The following TLK1 variants were observed in gnomAD, a reference collection of about 807,000 sequenced individuals.
TLK1 encodes serine/threonine-protein kinase tousled-like 1.
Under a neutral mutation model 105.3 loss-of-function variants are expected in TLK1, and 24 were observed. The ratio of observed to expected loss-of-function variants is 0.23; its 90% confidence interval spans 0.17 to 0.32. The LOEUF (loss-of-function observed/expected upper bound fraction) is 0.32. Among genes scored for constraint, TLK1 ranks in the 10% least tolerant of loss-of-function variants. The probability of loss-of-function intolerance (pLI) is 1.00; values close to 1 mark genes in which losing one functional copy is unlikely to be tolerated. For missense variants in TLK1, 558 were observed against 910.5 expected (o/e 0.61, Z 4.98); for synonymous variants, 321 against 310.4 (o/e 1.03, Z -0.36).
intron 1 of TLK1, among the ~76,000 whole-genome samples, chr2:171,212,909 A>AC (rs397733031): frequency 9.2e-5 from 14 of 151,412 alleles, no homozygotes; most frequent in Non-Finnish European, 5.9e-5. Context: ...TTTAAAAAAA[A>AC]CAAGCAAAAT....
Position 171,160,701 on chromosome 2 carries a change from G to C in TLK1, c.-273C>G. On this transcript the variant is annotated 5_prime_UTR_variant, in exon 1 of 21. Coordinates refer to ENST00000431350, the MANE Select transcript of TLK1 (RefSeq NM_012290.5). This position sits in a 1 kb window ranked among gnomAD's most constrained non-coding sequence, Gnocchi z 4.4. ...GAGGAGAGGAGGAGGAAAGGAGCGCGGCGGCGGAGGCGTCGAGGGGGTGCC... is the reference window on the plus strand; with the variant it reads ...GAGGAGAGGAGGAGGAAAGGAGCGCCGCGGCGGAGGCGTCGAGGGGGTGCC... 2.0e-6 allele frequency: 1 copy of C among 488,178 alleles called. No homozygotes were observed. Among genetic ancestry groups the C allele is most frequent in the Non-Finnish European group, 3.5e-6 (1 of 289,236 alleles). 30.2% of individuals were successfully genotyped at this position (488,178 alleles called of 1,614,324 possible).
intron 1 of TLK1, among the ~76,000 whole-genome samples, chr2:171,172,027 AC>A (rs780339577): frequency 3.9e-5 from 6 of 152,248 alleles, no homozygotes; most frequent in African/African-American, 9.6e-5. Context: ...CTATCTAAGT[AC>A]TCATTAGAAT....
chr2:171,132,369 C>A (rs982531057), intron 1 of TLK1, among the ~76,000 whole-genome samples: 1 of 151,994 alleles, frequency 6.6e-6, no homozygotes, highest in African/African-American at 2.4e-5. Context: ...AACTACAATT[C>A]AAGATGAGAT....
intron 1 of TLK1, among the ~76,000 whole-genome samples, chr2:171,207,393 G>T (rs1693525516): frequency 6.6e-6 from 1 of 152,158 alleles, no homozygotes; most frequent in African/African-American, 2.4e-5. Context: ...CAGGAAGGAG[G>T]GATGATTAAG....
rs567312264 is a variant in TLK1, at chr2:171,170,038, A to C, written c.-5-52181T>G. ...AAAGAAACAGCATGCACACATGAAA[A>C]GAAAGGCATAAAAACATGGCAGCAG... On this transcript the variant is annotated intron_variant, in intron 1 of 20. Coordinates refer to the TLK1 transcript ENST00000521943. Among the ~76,000 whole-genome samples the C allele has an allele frequency of 5.9e-5, 9 of 152,356 alleles. No homozygotes were observed. The South Asian group carries it at 1.9e-3, about 32-fold the overall frequency.
chr2:171,055,712 A>G (rs1222861681), intron 6 of TLK1, among the ~76,000 whole-genome samples: 1 of 152,036 alleles, frequency 6.6e-6, no homozygotes, highest in African/African-American at 2.4e-5. Context: ...CCTTACTTTT[A>G]TACACGGCAA....
At position 171,053,752 on chromosome 2, in the gene TLK1, ATTAC is replaced by A; in HGVS notation, c.732+5_732+8del. The A allele has an allele frequency of 1.3e-6, 2 of 1,589,018 alleles. No individual in the cohort carries two copies. Among genetic ancestry groups the A allele is most frequent in the Non-Finnish European group, 1.7e-6 (2 of 1,167,482 alleles). ...TCAATTTTTTTCCCCTCTATGACTC[ATTAC>A]TTACCCTGAGCAAATCATCTATACG... is the stretch of plus-strand genomic sequence containing the variant. On this transcript the variant is annotated splice_donor_5th_base_variant and intron_variant, in intron 8 of 20. Coordinates refer to ENST00000431350, the MANE Select transcript of TLK1 (RefSeq NM_012290.5).
intron 1 of TLK1, among the ~76,000 whole-genome samples, chr2:171,215,412 C>T (rs1461083072): frequency 6.7e-6 from 1 of 149,088 alleles, no homozygotes; most frequent in Non-Finnish European, 1.5e-5. Context: ...GCTCTTTTTC[C>T]TCAGCGATCT....
chr2:171,004,120 A>G (rs1473341106), intron 18 of TLK1, among the ~76,000 whole-genome samples: 1 of 152,012 alleles, frequency 6.6e-6, no homozygotes, highest in African/African-American at 2.4e-5. Context: ...TGCCCAGCTA[A>G]CTTTTGTACT....
intron 2 of TLK1, among the ~76,000 whole-genome samples, chr2:171,101,774 A>C (rs1405126466): frequency 6.6e-6 from 1 of 152,196 alleles, no homozygotes; most frequent in African/African-American, 2.4e-5. Context: ...ACATACACAG[A>C]CTTGAGGCCT....
At chr2:171,102,200 G>A (rs1474706032) in intron 2 of TLK1, among the ~76,000 whole-genome samples, 5 of 152,014 alleles carry the variant, frequency 3.3e-5, no homozygotes, top group Non-Finnish European at 1.5e-5. Flanking sequence ...TCAAACAGGT[G>A]AGTACGTACC....
At chr2:171,078,351 A>AAC (rs1005163656) in intron 3 of TLK1, among the ~76,000 whole-genome samples, 7 of 152,166 alleles carry the variant, frequency 4.6e-5, no homozygotes, top group African/African-American at 1.4e-4. Context: ...CAGCCTGGCC[A>AAC]ACATAGTGAA....
At chr2:171,053,966 T>C in intron 7 of TLK1, 113 bp from the exon 8 acceptor site, 1 of 762,994 alleles carries the variant, frequency 1.3e-6, no homozygotes, top group South Asian at 2.2e-5. Flanking sequence ...TTTGTGTGTA[T>C]ATGTAAAGTG....
At chr2:171,149,437 ATTATG>A (rs764573660) in intron 1 of TLK1, among the ~76,000 whole-genome samples, 6 of 152,150 alleles carry the variant, frequency 3.9e-5, no homozygotes, top group African/African-American at 7.2e-5. Flanking sequence ...CCTTGAAACT[ATTATG>A]TTATATTAAC....
intron 1 of TLK1, among the ~76,000 whole-genome samples, chr2:171,140,330 C>A (rs7421377): frequency 0.43 from 65,536 of 151,998 alleles, 15,083 homozygotes; most frequent in African/African-American, 0.6. Flanking sequence ...GTTTAAAAAA[C>A]GAAAACTCTA....
At chr2:171,080,472 T>G (rs1433551515) in intron 3 of TLK1, among the ~76,000 whole-genome samples, 1 of 149,524 alleles carries the variant, frequency 6.7e-6, no homozygotes, top group Non-Finnish European at 1.5e-5. Flanking sequence ...AATTCATTAA[T>G]TATCAACTAT....
intron 1 of TLK1, among the ~76,000 whole-genome samples, chr2:171,130,704 TA>T (rs1489883591): frequency 2.6e-5 from 4 of 152,076 alleles, no homozygotes; most frequent in Non-Finnish European, 5.9e-5. Flanking sequence ...CAAAAATAAA[TA>T]AATTTTATCC....
chr2:171,210,937 C>T (rs1178535659), intron 1 of TLK1, among the ~76,000 whole-genome samples: 1 of 152,210 alleles, frequency 6.6e-6, no homozygotes, highest in African/African-American at 2.4e-5. Flanking sequence ...AGAGTAACTT[C>T]AGCCAGCAGG....
At chr2:171,057,931 A>G (rs1687578890) in intron 5 of TLK1, among the ~76,000 whole-genome samples, 1 of 152,140 alleles carries the variant, frequency 6.6e-6, no homozygotes, top group South Asian at 2.1e-4. Context: ...CTTACAGGTT[A>G]TTATAAACAA....
Sources: allele counts gnomAD v4.1 joint callset (sites outside exome capture counted in the v4.1 genomes callset), GRCh38; gene constraint gnomAD v4.1.1; non-coding constraint Gnocchi (gnomAD v3.1); transcripts MANE v1.5; gene names NCBI Gene and HGNC (gene_info 2026-07-23, HGNC 2026-07-21).